The following RABGAP1L variants were observed in gnomAD, a reference collection of about 807,000 sequenced individuals.
The protein encoded by RABGAP1L is rab GTPase-activating protein 1-like.
RABGAP1L carries 63 observed loss-of-function variants against 137.7 expected under a neutral mutation model. The observed-to-expected ratio is 0.46, with a 90% CI of 0.37 to 0.56. The LOEUF (loss-of-function observed/expected upper bound fraction) is 0.56. Ranked by LOEUF, RABGAP1L falls within the 20% of genes least tolerant of loss-of-function variation. RABGAP1L has a pLI of 0.00. For missense variants in RABGAP1L, 1,095 were observed against 1,244.0 expected, an observed-to-expected ratio of 0.88 and a Z score of 1.80; for synonymous variants, 431 against 433.7, an observed-to-expected ratio of 0.99 and a Z score of 0.08.
At position 174,992,473 on chromosome 1, in the gene RABGAP1L, G is replaced by A. The variant is rs1030201106; in HGVS notation, c.*2472G>A. On this transcript the variant is annotated 3_prime_UTR_variant, in exon 26 of 26. Coordinates refer to ENST00000681986, the MANE Select transcript of RABGAP1L (RefSeq NM_001366446.1). ...AAATCACCAGGTACATACCTCTCAA[G>A]TTTGATAAGTCCATCTTTTGAGTTT... 1 of 151,912 alleles carries A rather than the reference G, an allele frequency of 6.6e-6. No individual in the cohort carries two copies. Among genetic ancestry groups the A allele is most frequent in the Non-Finnish European group, 1.5e-5 (1 of 67,988 alleles). The allele number at this position is 151,912 out of a possible 1,614,324, so 9.4% of individuals were successfully genotyped here.
At chr1:174,435,533 TC>T (rs370023743) in intron 13 of RABGAP1L, among the ~76,000 whole-genome samples, 2 of 152,314 alleles carry the variant, frequency 1.3e-5, no homozygotes, top group African/African-American at 4.8e-5. Flanking sequence ...TTTTCCTTTT[TC>T]CTTGATTTGT....
intron 13 of RABGAP1L, among the ~76,000 whole-genome samples, chr1:174,437,548 T>C (rs1463238691): frequency 6.6e-6 from 1 of 152,110 alleles, no homozygotes; most frequent in African/African-American, 2.4e-5. Context: ...GAACAAAGCC[T>C]CCAAGAAATA....
Position 174,962,206 on chromosome 1 carries a change from C to G in RABGAP1L, c.2433+4657C>G, listed in dbSNP as rs1305773678. Among the ~76,000 whole-genome samples, 84 of 135,528 alleles carry G rather than the reference C, an allele frequency of 6.2e-4. 15 individuals carry two copies. Among genetic ancestry groups the G allele is most frequent in the African/African-American group, 1.5e-3 (55 of 35,568 alleles). 88.9% of individuals were successfully genotyped at this position (135,528 alleles called of 152,430 possible). A position where few individuals can be genotyped will look rare whatever the true frequency, so the allele number is the denominator to read the frequency against. On this transcript the variant is annotated intron_variant, in intron 20 of 25. Coordinates refer to ENST00000681986, the MANE Select transcript of RABGAP1L (RefSeq NM_001366446.1). Reference sequence around the variant, plus strand: ...TAAAAATAAAAATACACCCCCCCCCCACACACACACACAGCTAGTTAATTA... The same window carrying G: ...TAAAAATAAAAATACACCCCCCCCCGACACACACACACAGCTAGTTAATTA...
Position 174,811,904 on chromosome 1 carries a change from A to G in RABGAP1L, c.2284A>G (p.Arg762Gly), listed in dbSNP as rs1689904020. The change falls in exon 19 of 26, where the codon AGA becomes GGA. Residue 762 changes from arginine to glycine, a missense_variant. Coordinates refer to ENST00000681986, the MANE Select transcript of RABGAP1L (RefSeq NM_001366446.1). ...LKFFRVQLPK[R>G]YRAEENARRL... ...GTTCTTTAGAGTTCAGCTTCCAAAG[A>G]GATACAGGGCAGAGGAAAATGCAAG... The G allele has an allele frequency of 6.2e-7, 1 of 1,610,238 alleles. No individual in the cohort carries two copies. The highest frequency in any genetic ancestry group is 8.5e-7 in the Non-Finnish European group (1 of 1,177,972).
chr1:174,694,884 T>C (rs1210842609), intron 15 of RABGAP1L, among the ~76,000 whole-genome samples: 1 of 151,768 alleles, frequency 6.6e-6, no homozygotes, highest in Non-Finnish European at 1.5e-5. Context: ...TTTTTAATGA[T>C]TGCCATTCTA....
chr1:174,313,406 C>CA (rs1679052059), intron 11 of RABGAP1L, among the ~76,000 whole-genome samples: 1 of 151,944 alleles, frequency 6.6e-6, no homozygotes, highest in Admixed American at 6.5e-5. Flanking sequence ...ATGTCATCTG[C>CA]AAAAAAGGAT....
chr1:174,919,039 GACAGAGTCTTGCTCTTTC>G (rs1323344689), intron 19 of RABGAP1L, among the ~76,000 whole-genome samples: 1 of 143,418 alleles, frequency 7.0e-6, no homozygotes, highest in East Asian at 2.0e-4. Flanking sequence ...TTTTTTTTGA[GACAGAGTCTTGCTCTTTC>G]ACCCAGGCTG....
chr1:174,330,344 C>A (rs1680924532), intron 11 of RABGAP1L, among the ~76,000 whole-genome samples: 1 of 152,116 alleles, frequency 6.6e-6, no homozygotes, highest in South Asian at 2.1e-4. Context: ...CTTTCGGAGG[C>A]TGAGGCAGGA....
At chr1:174,751,605 A>G (rs138173711) in intron 17 of RABGAP1L, among the ~76,000 whole-genome samples, 254 of 152,324 alleles carry the variant, frequency 1.7e-3, no homozygotes, top group Non-Finnish European at 2.8e-3. Context: ...TAATAACTCA[A>G]TGTCTCTTCA....
chr1:174,527,430 C>T (rs1166547556), intron 13 of RABGAP1L, among the ~76,000 whole-genome samples: 2 of 152,032 alleles, frequency 1.3e-5, no homozygotes, highest in Non-Finnish European at 2.9e-5. Flanking sequence ...TGGTCTTGAA[C>T]TCCTGACCTC....
chr1:174,911,030 C>T (rs1659966457), intron 19 of RABGAP1L, among the ~76,000 whole-genome samples: 2 of 152,296 alleles, frequency 1.3e-5, no homozygotes, highest in Non-Finnish European at 2.9e-5. Context: ...ATTCTGATTG[C>T]ATTTCCTTAA....
intron 14 of RABGAP1L, among the ~76,000 whole-genome samples, chr1:174,657,371 C>T (rs927067095): frequency 6.6e-6 from 1 of 152,166 alleles, no homozygotes; most frequent in African/African-American, 2.4e-5. Flanking sequence ...ATTTTGTACA[C>T]TTTAACAAAT....
At chr1:174,380,567 T>C (rs961761966) in intron 12 of RABGAP1L, among the ~76,000 whole-genome samples, 2 of 152,186 alleles carry the variant, frequency 1.3e-5, no homozygotes, top group African/African-American at 4.8e-5. Flanking sequence ...TTTTCTAGTT[T>C]ATTTGCGTAG....
chr1:174,451,377 C>A (rs1237830265), intron 13 of RABGAP1L, among the ~76,000 whole-genome samples: 1 of 152,212 alleles, frequency 6.6e-6, no homozygotes, highest in Non-Finnish European at 1.5e-5. Context: ...ATGCTTACTG[C>A]ATTTTCCCCT....
chr1:174,935,194 C>G (rs900420155), intron 19 of RABGAP1L: 3 of 152,166 alleles, frequency 2.0e-5, no homozygotes, highest in Non-Finnish European at 2.9e-5. Flanking sequence ...AGCTGATTCC[C>G]TTCTTAAAGG....
intron 18 of RABGAP1L, among the ~76,000 whole-genome samples, chr1:174,758,207 A>G (rs1394386672): frequency 6.7e-6 from 1 of 149,932 alleles, no homozygotes; most frequent in Admixed American, 6.7e-5. Flanking sequence ...TTCTTTTTTT[A>G]TGTTTTGGAA....
chr1:174,644,808 C>T (rs1040310911), intron 14 of RABGAP1L, among the ~76,000 whole-genome samples: 2 of 152,110 alleles, frequency 1.3e-5, no homozygotes, highest in African/African-American at 4.8e-5. Context: ...CTTCCCGCAC[C>T]TTTAAAGCCT....
At chr1:174,260,479 G>T (rs1030891330) in intron 7 of RABGAP1L, among the ~76,000 whole-genome samples, 1 of 152,122 alleles carries the variant, frequency 6.6e-6, no homozygotes, top group Non-Finnish European at 1.5e-5. Flanking sequence ...CAACTAAGAG[G>T]AGAAAGCAAG....
rs71299431 is a variant in RABGAP1L at position 174,819,187 on chromosome 1, T to TAAAAAAAAAAAAA, written c.2340+7241_2340+7253dup. On this transcript the variant is annotated intron_variant, in intron 19 of 25. Coordinates refer to ENST00000681986, the MANE Select transcript of RABGAP1L (RefSeq NM_001366446.1). The stretch of plus-strand genomic sequence containing the variant: ...GACAGAGCAAGACTCTGCCTGTCTC[T>TAAAAAAAAAAAAA]AAAAAAAAAAAAAAAAAAAAAAAAA... 9.6e-4 allele frequency among the ~76,000 whole-genome samples: 43 copies of TAAAAAAAAAAAAA among 44,874 alleles called. 2 individuals carry two copies. Among genetic ancestry groups the TAAAAAAAAAAAAA allele is most frequent in the Non-Finnish European group, 1.6e-3 (39 of 24,352 alleles). 29.4% of individuals were successfully genotyped at this position (44,874 alleles called of 152,430 possible).
Sources: allele counts gnomAD v4.1 joint callset (sites outside exome capture counted in the v4.1 genomes callset), GRCh38; gene constraint gnomAD v4.1.1; transcripts MANE v1.5; gene names NCBI Gene and HGNC (gene_info 2026-07-23, HGNC 2026-07-21).